The following KSR2 variants were observed in gnomAD, a reference collection of about 807,000 sequenced individuals.
KSR2 encodes kinase suppressor of ras 2.
KSR2 carries 25 observed loss-of-function variants against 107.8 expected under a neutral mutation model. The observed-to-expected ratio is 0.23, with a 90% CI of 0.17 to 0.32. KSR2 has a LOEUF of 0.32. Among genes scored for constraint, KSR2 ranks in the 10% least tolerant of loss-of-function variants. The pLI, the probability that KSR2 is intolerant of heterozygous loss-of-function variation, is 1.00. For missense variants in KSR2, 887 were observed against 1,268.9 expected (o/e 0.70, Z 4.57); for synonymous variants, 480 against 507.0 (o/e 0.95, Z 0.71).
intron 1 of KSR2, 136 bp from the exon 2 acceptor site, chr12:117,860,567 TC>T: frequency 1.2e-6 from 1 of 838,746 alleles, no homozygotes; most frequent in Non-Finnish European, 1.8e-6. Context: ...TACAGTGAGA[TC>T]CAGTTTGGCA....
intron 4 of KSR2, among the ~76,000 whole-genome samples, chr12:117,678,099 CTAATTTT>C (rs1885214199): frequency 8.3e-6 from 1 of 120,634 alleles, no homozygotes; most frequent in African/African-American, 3.2e-5. Context: ...CAAAGCCCAG[CTAATTTT>C]TTTTTTTTTT....
At chr12:117,591,414 C>T (rs371894108) in intron 5 of KSR2, among the ~76,000 whole-genome samples, 14 of 152,102 alleles carry the variant, frequency 9.2e-5, no homozygotes, top group Middle Eastern at 3.4e-3. Context: ...TAAAGCGGCA[C>T]GACATAGCTG....
chr12:117,643,808 AGCATTTAGGAACC>A (rs989722979), intron 5 of KSR2, among the ~76,000 whole-genome samples: 2 of 152,238 alleles, frequency 1.3e-5, no homozygotes, highest in Non-Finnish European at 2.9e-5. Context: ...CCACAGAACC[AGCATTTAGGAACC>A]GCCAGAGCCT....
rs114298127 is a variant in KSR2, at chr12:117,897,394, G to A, written c.181-36963C>T. On this transcript the variant is annotated intron_variant, in intron 1 of 19. Coordinates refer to ENST00000339824, the MANE Select transcript of KSR2 (RefSeq NM_173598.6). The surrounding 1 kb of genome is among the most constrained non-coding windows in gnomAD (Gnocchi z 4.5). ...GCTTCTTTTAAGAAAAAAAGAAAGC[G>A]CTCCAGCCTACCCAGCACTCTCCAT... 0.011 allele frequency among the ~76,000 whole-genome samples: 1,675 copies of A among 152,178 alleles called. 31 individuals carry two copies. The highest frequency in any genetic ancestry group is 0.039 in the African/African-American group (1,600 of 41,510).
intron 5 of KSR2, among the ~76,000 whole-genome samples, chr12:117,594,754 T>C (rs564365558): frequency 6.6e-6 from 1 of 152,236 alleles, no homozygotes; most frequent in Non-Finnish European, 1.5e-5. Context: ...ATAAACAAAG[T>C]TAACCTAGAG....
chr12:117,731,623 G>A (rs1887713700), intron 4 of KSR2, among the ~76,000 whole-genome samples: 2 of 152,172 alleles, frequency 1.3e-5, no homozygotes, highest in Non-Finnish European at 2.9e-5. Context: ...AAGAAAGAGA[G>A]ATCAGACTGT....
chr12:117,492,374 C>A (rs1279543134), intron 14 of KSR2, among the ~76,000 whole-genome samples: 1 of 152,236 alleles, frequency 6.6e-6, no homozygotes, highest in Non-Finnish European at 1.5e-5. Flanking sequence ...ATGCCTGTGG[C>A]AGCCATGTCC....
intron 4 of KSR2, among the ~76,000 whole-genome samples, chr12:117,725,159 G>A (rs1418914847): frequency 3.3e-5 from 5 of 151,702 alleles, no homozygotes; most frequent in African/African-American, 9.7e-5. Context: ...AGAAAGGCAC[G>A]AGAAATAACA....
At chr12:117,645,068 T>C (rs75419488) in intron 5 of KSR2, among the ~76,000 whole-genome samples, 4,694 of 152,278 alleles carry the variant, frequency 0.031, 244 homozygotes, top group African/African-American at 0.11. Flanking sequence ...TGTATGTGTT[T>C]CCATCCATCT....
At chr12:117,495,272 G>A (rs1488628850) in intron 14 of KSR2, among the ~76,000 whole-genome samples, 2 of 152,142 alleles carry the variant, frequency 1.3e-5, no homozygotes, top group Non-Finnish European at 1.5e-5. Flanking sequence ...GTTACAGGTC[G>A]CACACTCCAT....
chr12:117,803,564 G>A (rs907939798), intron 3 of KSR2, among the ~76,000 whole-genome samples: 46 of 152,170 alleles, frequency 3.0e-4, no homozygotes, highest in African/African-American at 1.0e-3. Flanking sequence ...TTAGCCGGAC[G>A]TGGTGGCGGG....
chr12:117,559,702 C>A (rs1202177337), intron 7 of KSR2, among the ~76,000 whole-genome samples: 1 of 152,126 alleles, frequency 6.6e-6, no homozygotes, highest in Non-Finnish European at 1.5e-5. Flanking sequence ...TTGAGAGGAG[C>A]CAAAGAGGAC....
chr12:117,617,634 A>G (rs1380626912), intron 5 of KSR2, among the ~76,000 whole-genome samples: 1 of 152,254 alleles, frequency 6.6e-6, no homozygotes, highest in Non-Finnish European at 1.5e-5. Flanking sequence ...ATGAAATTCC[A>G]GAAAATGTAA....
rs1874035425 is a variant in KSR2 at position 117,511,739 on chromosome 12, C to T, written c.2219+13113G>A. ...GCCCTCTTTCATATGAAAAATGATT[C>T]GCCCAAGTGACCAACTTCCCTTCCG... On this transcript the variant is annotated intron_variant, in intron 14 of 19. Transcript: ENST00000339824. 1.3e-5 allele frequency among the ~76,000 whole-genome samples: 2 copies of T among 152,276 alleles called. 1 individual carries two copies. The highest frequency in any genetic ancestry group is 4.1e-4 in the South Asian group (2 of 4,820).
In KSR2 at chr12:117,453,644, T is replaced by C. The variant is rs975240340; in HGVS notation, c.*13555A>G. 2.6e-5 allele frequency: 4 copies of C among 152,146 alleles called. No homozygotes were observed. The highest frequency in any genetic ancestry group is 2.6e-4 in the Admixed American group (4 of 15,276). 9.4% of individuals were successfully genotyped at this position (152,146 alleles called of 1,614,324 possible). A position where few individuals can be genotyped will look rare whatever the true frequency, so the allele number is the denominator to read the frequency against. ...GAGGAATTTTCCTAAGGTCAGTAAC[T>C]TCAAGAGTAATCAATCAAATTAATC... is the stretch of plus-strand genomic sequence containing the variant. On this transcript the variant is annotated 3_prime_UTR_variant, in exon 20 of 20. Transcript: ENST00000339824.
chr12:117,578,338 A>C (rs1239839222), intron 7 of KSR2, among the ~76,000 whole-genome samples: 3 of 152,128 alleles, frequency 2.0e-5, no homozygotes, highest in Non-Finnish European at 4.4e-5. Flanking sequence ...TCCCGCCTGC[A>C]ATCCCAACAC....
At chr12:117,505,369 G>C (rs187689541) in intron 14 of KSR2, among the ~76,000 whole-genome samples, 1 of 152,100 alleles carries the variant, frequency 6.6e-6, no homozygotes, top group Non-Finnish European at 1.5e-5. Context: ...GGTGGATGTC[G>C]CCCTCCCTCC....
At chr12:117,655,178 T>G (rs561622311) in intron 5 of KSR2, among the ~76,000 whole-genome samples, 2 of 152,370 alleles carry the variant, frequency 1.3e-5, no homozygotes, top group Admixed American at 6.5e-5. Context: ...TTGCCTCTCC[T>G]GCACACAATG....
chr12:117,560,843 C>G (rs980969655), intron 7 of KSR2, among the ~76,000 whole-genome samples: 1 of 152,190 alleles, frequency 6.6e-6, no homozygotes, highest in African/African-American at 2.4e-5. Context: ...TTCTATCTCT[C>G]TTGCTCCCTC....
Sources: allele counts gnomAD v4.1 joint callset (sites outside exome capture counted in the v4.1 genomes callset), GRCh38; gene constraint gnomAD v4.1.1; non-coding constraint Gnocchi (gnomAD v3.1); transcripts MANE v1.5; gene names NCBI Gene and HGNC (gene_info 2026-07-23, HGNC 2026-07-21).